Variants in IGSF11 observed in about 807,000 individuals in gnomAD.
IGSF11 encodes CXADR like 1.
A neutral mutation model predicts 41.0 loss-of-function variants in IGSF11; 22 were observed. That is an observed-to-expected ratio of 0.54 (90% CI 0.38 to 0.77). The LOEUF (loss-of-function observed/expected upper bound fraction) is 0.77, where lower values mean the gene tolerates loss of function less well. IGSF11 is among the 30% of genes least tolerant of loss of function. The pLI is 0.00. For missense variants in IGSF11, 444 were observed against 530.8 expected, an observed-to-expected ratio of 0.84 and a Z score of 1.61; for synonymous variants, 219 against 201.3, an observed-to-expected ratio of 1.09 and a Z score of -0.74.
intron 3 of IGSF11, 52 bp from the exon 4 acceptor site, chr3:118,926,308 G>A: frequency 7.1e-7 from 1 of 1,399,770 alleles, no homozygotes; most frequent in Non-Finnish European, 9.8e-7. Context: ...TGAGCCATGT[G>A]ATGATGGAGG....
rs940534143 is a variant in IGSF11 at position 118,969,332 on chromosome 3, G to A, written c.53-39057C>T. ...GCAAAAAAAGAGGAAGGAGACAGCT[G>A]ATGTCTGAATGTAAGTGGGAAAAGT... On this transcript the variant is annotated intron_variant, in intron 1 of 6. Transcript: ENST00000393775. Among the ~76,000 whole-genome samples the A allele has an allele frequency of 3.3e-5, 5 of 152,312 alleles. 1 individual carries two copies. The highest frequency in any genetic ancestry group is 1.9e-4 in the East Asian group (1 of 5,190).
intron 1 of IGSF11, among the ~76,000 whole-genome samples, chr3:119,048,473 A>G (rs1475664376): frequency 6.6e-6 from 1 of 152,226 alleles, no homozygotes; most frequent in East Asian, 1.9e-4. Flanking sequence ...TGAATAAACC[A>G]ATAACAGGAT....
At chr3:118,971,632 G>A (rs11925585) in intron 1 of IGSF11, among the ~76,000 whole-genome samples, 2,982 of 151,990 alleles carry the variant, frequency 0.02, 82 homozygotes, top group African/African-American at 0.068. Flanking sequence ...GTGAAACCCC[G>A]TCTCTACTAA....
intron 4 of IGSF11, among the ~76,000 whole-genome samples, chr3:118,912,247 T>C (rs143789320): frequency 7.9e-4 from 121 of 152,350 alleles, no homozygotes; most frequent in Middle Eastern, 3.4e-3. Flanking sequence ...TTTTTCTAAT[T>C]ATCCCTCAGC....
intron 1 of IGSF11, among the ~76,000 whole-genome samples, chr3:118,998,176 T>A (rs1422989139): frequency 1.3e-5 from 2 of 152,218 alleles, no homozygotes; most frequent in Admixed American, 6.5e-5. Context: ...TCAGATGAGT[T>A]GGCTTATGAC....
In IGSF11 at chr3:119,069,163, G is replaced by A. The variant is rs549147623; in HGVS notation, c.49+35981C>T. Among the ~76,000 whole-genome samples, 34 of 151,862 alleles carry A rather than the reference G, an allele frequency of 2.2e-4. No individual in the cohort carries two copies. In the South Asian group the frequency reaches 4.4e-3, roughly 20 times the overall value. On this transcript the variant is annotated intron_variant, in intron 1 of 6. Coordinates refer to the IGSF11 transcript ENST00000354673. Reference sequence around the variant, plus strand: ...AAGATGGTCTCGATCTCCTGACCTCGTGATCTGCCCTGCCTCAGCCTCCCA... The same window carrying A: ...AAGATGGTCTCGATCTCCTGACCTCATGATCTGCCCTGCCTCAGCCTCCCA...
intron 1 of IGSF11, among the ~76,000 whole-genome samples, chr3:119,077,295 C>A (rs941305642): frequency 3.9e-5 from 6 of 151,972 alleles, no homozygotes; most frequent in African/African-American, 1.5e-4. Flanking sequence ...GGAGGGAAAG[C>A]ATTAGGAGAT....
intron 1 of IGSF11, among the ~76,000 whole-genome samples, chr3:119,120,356 G>A (rs1396477633): frequency 3.3e-5 from 5 of 152,228 alleles, no homozygotes; most frequent in African/African-American, 9.7e-5. Context: ...TGGCTTCTTT[G>A]TCTGGGGTAT....
At chr3:118,970,320 G>T (rs887993506) in intron 1 of IGSF11, among the ~76,000 whole-genome samples, 1 of 152,052 alleles carries the variant, frequency 6.6e-6, no homozygotes, top group Non-Finnish European at 1.5e-5. Flanking sequence ...AATAATAATA[G>T]GGAGAGACAC....
chr3:118,953,984 C>A (rs897331042), intron 1 of IGSF11, among the ~76,000 whole-genome samples: 1 of 152,064 alleles, frequency 6.6e-6, no homozygotes, highest in Non-Finnish European at 1.5e-5. Context: ...CCTAAGCCAA[C>A]GTCTAGAAAG....
At chr3:118,960,923 C>T (rs1327953302) in intron 1 of IGSF11, among the ~76,000 whole-genome samples, 2 of 152,196 alleles carry the variant, frequency 1.3e-5, no homozygotes, top group Non-Finnish European at 2.9e-5. Context: ...TGCTAATCAG[C>T]AATATTTCAA....
In IGSF11 at chr3:119,070,823, T is replaced by A. The variant is rs991611717; in HGVS notation, c.49+34321A>T. On this transcript the variant is annotated intron_variant, in intron 1 of 6. Coordinates refer to the IGSF11 transcript ENST00000354673. The stretch of plus-strand genomic sequence containing the variant: ...GGTTCAAATTCTTCCGAGAGCAGTA[T>A]TAGGGCAAAAGGCTAAAGGAAGTAT... Among the ~76,000 whole-genome samples, 62 of 152,176 alleles carry A rather than the reference T, an allele frequency of 4.1e-4. 1 individual carries two copies. The highest frequency in any genetic ancestry group is 3.1e-3 in the Admixed American group (48 of 15,280).
chr3:119,055,894 T>G (rs933319879), intron 1 of IGSF11, among the ~76,000 whole-genome samples: 7 of 151,936 alleles, frequency 4.6e-5, no homozygotes, highest in Non-Finnish European at 5.9e-5. Flanking sequence ...CGAAATGAAG[T>G]CAGAAATAAA....
At chr3:119,038,410 A>G (rs1275254315), upstream of IGSF11, among the ~76,000 whole-genome samples, 1 of 152,132 alleles carries the variant, frequency 6.6e-6, no homozygotes, top group Non-Finnish European at 1.5e-5. Context: ...AGCAATATCC[A>G]TCCTCCTCCC....
chr3:119,040,221 A>G (rs1941068198), intron 1 of IGSF11, among the ~76,000 whole-genome samples: 1 of 152,180 alleles, frequency 6.6e-6, no homozygotes, highest in Non-Finnish European at 1.5e-5. Flanking sequence ...AAACTGTCTC[A>G]TTTGATCTTG....
At chr3:118,939,271 A>T (rs1033144993) in intron 1 of IGSF11, among the ~76,000 whole-genome samples, 2 of 148,872 alleles carry the variant, frequency 1.3e-5, no homozygotes, top group African/African-American at 4.9e-5. Flanking sequence ...ACCATCATGT[A>T]TTTTTTTTTT....
chr3:119,066,498 G>A (rs975870934), intron 1 of IGSF11, among the ~76,000 whole-genome samples: 1 of 152,120 alleles, frequency 6.6e-6, no homozygotes, highest in African/African-American at 2.4e-5. Flanking sequence ...TAGATTCTAA[G>A]TATGATTCAT....
chr3:119,135,467 C>T (rs1576839279), intron 1 of IGSF11, among the ~76,000 whole-genome samples: 1 of 152,320 alleles, frequency 6.6e-6, no homozygotes, highest in East Asian at 1.9e-4. Flanking sequence ...AAAAAATGCT[C>T]ATCATCACTG....
At position 118,937,128 on chromosome 3, in the gene IGSF11, A is replaced by C. The variant is rs72966893; in HGVS notation, c.53-6853T>G. On this transcript the variant is annotated intron_variant, in intron 1 of 6. Coordinates refer to ENST00000393775, the MANE Select transcript of IGSF11 (RefSeq NM_001015887.3). ...GGAATATAATCAGCAAAGCATCAAA[A>C]AGACCTTTATGGCACTTTGGGAGGC... Among the ~76,000 whole-genome samples, 769 of 152,280 alleles carry C rather than the reference A, an allele frequency of 5.0e-3. 5 individuals carry two copies. The highest frequency in any genetic ancestry group is 0.017 in the African/African-American group (724 of 41,548).
Sources: allele counts gnomAD v4.1 joint callset (sites outside exome capture counted in the v4.1 genomes callset), GRCh38; gene constraint gnomAD v4.1.1; transcripts MANE v1.5; gene names NCBI Gene and HGNC (gene_info 2026-07-23, HGNC 2026-07-21).